MSH3: variants seen among roughly 807,000 people sequenced by gnomAD.
MSH3 encodes mutS homolog 3.
Under a neutral mutation model 123.3 loss-of-function variants are expected in MSH3, and 106 were observed. That is an observed-to-expected ratio of 0.86 (90% CI 0.73 to 1.01). The LOEUF (loss-of-function observed/expected upper bound fraction) is 1.01, where lower values mean the gene tolerates loss of function less well. Ranked by LOEUF, MSH3 falls within the 50% of genes least tolerant of loss-of-function variation. The pLI is 0.00. For missense variants in MSH3, 1,459 were observed against 1,347.6 expected (o/e 1.08, Z -1.29); for synonymous variants, 515 against 481.4 (o/e 1.07, Z -0.91).
chr5:80,726,557 C>T (rs1162927410), intron 9 of MSH3, among the ~76,000 whole-genome samples: 2 of 152,180 alleles, frequency 1.3e-5, no homozygotes, highest in Non-Finnish European at 2.9e-5. Flanking sequence ...ACCTCTGTCT[C>T]TTGGACTCAA....
intron 12 of MSH3, among the ~76,000 whole-genome samples, chr5:80,755,780 T>G (rs1307330011): frequency 6.6e-6 from 1 of 152,068 alleles, no homozygotes; most frequent in African/African-American, 2.4e-5. Context: ...GGAGACAGGG[T>G]CTTGGGTCCA....
Position 80,812,125 on chromosome 5 carries a change from G to C in MSH3, c.2656-1459G>C, listed in dbSNP as rs1745019720. Among the ~76,000 whole-genome samples, 3 of 152,170 alleles carry C rather than the reference G, an allele frequency of 2.0e-5. No homozygotes were observed. The South Asian group carries it at 6.2e-4, about 31-fold the overall frequency. On this transcript the variant is annotated intron_variant, in intron 19 of 23. Transcript: ENST00000265081. ...TATAAAGCCATATGGAGCCTTAAGA[G>C]AAAGGAATTACACAGGAAGAGCAGG...
chr5:80,834,482 A>G (rs1306057124), intron 20 of MSH3, among the ~76,000 whole-genome samples: 3 of 149,832 alleles, frequency 2.0e-5, no homozygotes, highest in African/African-American at 4.9e-5. Context: ...TATGTTATAT[A>G]TATTTATCAT....
rs145651976 is a variant in MSH3, at chr5:80,706,103, A to G, written c.1341-19350A>G. ...GTTATTTGTATATACTTTTTTATTC[A>G]TTGAGCTATGAACTCCAGAGTTAGT... On this transcript the variant is annotated intron_variant, in intron 8 of 23. Transcript: ENST00000265081. Among the ~76,000 whole-genome samples the G allele has an allele frequency of 6.9e-3, 1,058 of 152,280 alleles. 13 individuals carry two copies. The highest frequency in any genetic ancestry group is 0.024 in the African/African-American group (1,015 of 41,556).
intron 8 of MSH3, among the ~76,000 whole-genome samples, chr5:80,709,901 C>T (rs1489905346): frequency 6.6e-6 from 1 of 152,162 alleles, no homozygotes; most frequent in Non-Finnish European, 1.5e-5. Context: ...CCTTTATCTT[C>T]TGTTCCCCTG....
intron 8 of MSH3, among the ~76,000 whole-genome samples, chr5:80,692,915 G>A (rs1477897496): frequency 2.1e-5 from 1 of 48,400 alleles, no homozygotes; most frequent in Non-Finnish European, 3.7e-5. Flanking sequence ...AAATATACAT[G>A]CACATGTATA....
At chr5:80,824,674 T>A (rs1227152898) in intron 20 of MSH3, among the ~76,000 whole-genome samples, 1 of 152,216 alleles carries the variant, frequency 6.6e-6, no homozygotes, top group East Asian at 1.9e-4. Flanking sequence ...TCTCCCCAGG[T>A]CTACCATGTT....
intron 12 of MSH3, among the ~76,000 whole-genome samples, chr5:80,749,529 G>A (rs985587235): frequency 2.6e-5 from 4 of 152,066 alleles, no homozygotes; most frequent in African/African-American, 9.7e-5. Context: ...ATCTCCTTTG[G>A]CAATACCCTC....
chr5:80,756,013 A>G (rs1301081422), intron 12 of MSH3, among the ~76,000 whole-genome samples: 4 of 152,184 alleles, frequency 2.6e-5, no homozygotes, highest in African/African-American at 9.7e-5. Context: ...TGGTACTCAC[A>G]TAAATCACCA....
At chr5:80,852,420 G>C (rs1242849723) in intron 20 of MSH3, among the ~76,000 whole-genome samples, 1 of 152,126 alleles carries the variant, frequency 6.6e-6, no homozygotes, top group Admixed American at 6.5e-5. Context: ...TCCCTCATCA[G>C]AATGTTCTGT....
At chr5:80,761,484 G>A in intron 12 of MSH3, 62 bp from the exon 13 acceptor site, 1 of 1,594,270 alleles carries the variant, frequency 6.3e-7, no homozygotes, top group African/African-American at 1.3e-5. Context: ...CATTAGAGTG[G>A]GAAATGTCTA....
Position 80,825,154 on chromosome 5 carries a change from T to TA in MSH3, c.2813+11416dup, listed in dbSNP as rs537537693. 2.0e-5 allele frequency among the ~76,000 whole-genome samples: 3 copies of TA among 152,266 alleles called. No individual in the cohort carries two copies. The South Asian group carries it at 6.2e-4, about 32-fold the overall frequency. On this transcript the variant is annotated intron_variant, in intron 20 of 23. Transcript: ENST00000265081. ...ATCCTCCATGCACCTTCTACCCTAC[T>TA]AAAGAAATAAAACACTACAATACAA...
chr5:80,852,769 T>C (rs1580090566), intron 20 of MSH3, among the ~76,000 whole-genome samples: 1 of 152,328 alleles, frequency 6.6e-6, no homozygotes, highest in African/African-American at 2.4e-5. Flanking sequence ...CCCTTGTTCT[T>C]ATAGGGCTTC....
At chr5:80,753,329 T>C (rs1424785471) in intron 12 of MSH3, among the ~76,000 whole-genome samples, 4 of 152,152 alleles carry the variant, frequency 2.6e-5, no homozygotes, top group Admixed American at 2.0e-4. Context: ...CCAGGTCATT[T>C]CTTTTCCTGA....
chr5:80,799,576 GTTTTA>G (rs138950272), intron 19 of MSH3, among the ~76,000 whole-genome samples: 15,837 of 105,694 alleles, frequency 0.15, 1,132 homozygotes, highest in Middle Eastern at 0.27. Flanking sequence ...ACATGTGACA[GTTTTA>G]TTTTATTTTT....
intron 8 of MSH3, among the ~76,000 whole-genome samples, chr5:80,704,538 G>A (rs541247260): frequency 1.2e-4 from 19 of 152,276 alleles, no homozygotes; most frequent in Non-Finnish European, 2.2e-4. Context: ...TTTCAGAGGT[G>A]CTAGGCTGTG....
chr5:80,839,752 AG>A (rs1356829609), intron 20 of MSH3, among the ~76,000 whole-genome samples: 4 of 152,178 alleles, frequency 2.6e-5, no homozygotes, highest in African/African-American at 9.7e-5. Flanking sequence ...TAATATAAAA[AG>A]TGACACAATA....
At chr5:80,803,731 T>A (rs1281768481) in intron 19 of MSH3, among the ~76,000 whole-genome samples, 1 of 152,164 alleles carries the variant, frequency 6.6e-6, no homozygotes, top group African/African-American at 2.4e-5. Context: ...AAGTCTCTAA[T>A]CCATTTTGAT....
chr5:80,845,776 A>T (rs929254898), intron 20 of MSH3, among the ~76,000 whole-genome samples: 1 of 152,106 alleles, frequency 6.6e-6, no homozygotes, highest in African/African-American at 2.4e-5. Context: ...TCTTCTCGAC[A>T]CTGTTTATTC....
Sources: allele counts gnomAD v4.1 joint callset (sites outside exome capture counted in the v4.1 genomes callset), GRCh38; gene constraint gnomAD v4.1.1; transcripts MANE v1.5; gene names NCBI Gene and HGNC (gene_info 2026-07-23, HGNC 2026-07-21).